TSHZ1: variants seen among roughly 807,000 people sequenced by gnomAD.
The protein encoded by TSHZ1 is teashirt homolog 1.
Under a neutral mutation model 67.1 loss-of-function variants are expected in TSHZ1, and 12 were observed. The ratio of observed to expected loss-of-function variants is 0.18; its 90% CI spans 0.11 to 0.29. TSHZ1 has a LOEUF of 0.29. Among genes scored for constraint, TSHZ1 ranks in the 10% least tolerant of loss-of-function variants. The pLI is 1.00. For synonymous variants in TSHZ1, 632 were observed against 622.4 expected (o/e 1.02, Z -0.23); for missense variants, 1,305 against 1,413.9 (o/e 0.92, Z 1.23).
intron 1 of TSHZ1, among the ~76,000 whole-genome samples, chr18:75,224,899 T>G (rs1047110841): frequency 1.3e-5 from 2 of 152,132 alleles, no homozygotes; most frequent in Non-Finnish European, 2.9e-5. Context: ...TCCTAACGCG[T>G]GCTATTCTAC....
chr18:75,227,048 C>T (rs893931449), intron 1 of TSHZ1, among the ~76,000 whole-genome samples: 4 of 152,242 alleles, frequency 2.6e-5, no homozygotes, highest in African/African-American at 9.6e-5. Context: ...CCCGGCTTTC[C>T]GTGCAGAAAG....
chr18:75,257,612 G>C (rs889457929), intron 1 of TSHZ1, among the ~76,000 whole-genome samples: 2 of 151,326 alleles, frequency 1.3e-5, no homozygotes, highest in Non-Finnish European at 2.9e-5. Flanking sequence ...CTTAGTGTTC[G>C]TAGACAGAAA....
intron 1 of TSHZ1, among the ~76,000 whole-genome samples, chr18:75,238,009 T>C (rs567141742): frequency 6.6e-6 from 1 of 152,018 alleles, no homozygotes; most frequent in African/African-American, 2.4e-5. Flanking sequence ...ACGGGGTTTC[T>C]CCATGTTGGT....
In TSHZ1 at chr18:75,281,571, C is replaced by A. The variant is rs555411496; in HGVS notation, c.41-3877C>A. Among the ~76,000 whole-genome samples the A allele has an allele frequency of 6.6e-6, 1 of 152,178 alleles. No homozygotes were observed. Among genetic ancestry groups the A allele is most frequent in the South Asian group, 2.1e-4 (1 of 4,816 alleles). On this transcript the variant is annotated intron_variant, in intron 1 of 1. Transcript: ENST00000580243. The surrounding 1 kb of genome is among the most constrained non-coding windows in gnomAD (Gnocchi z 5.3). ...GATGGGCCTGTGTCTGGCAGGTGTG[C>A]AGGGGTGCTCATGGCTGTGGTCGGC... is the stretch of plus-strand genomic sequence containing the variant.
chr18:75,288,078 A>T lies in TSHZ1; in HGVS notation c.2671A>T (p.Asn891Tyr). The change falls in exon 2 of 2, where the codon AAC becomes TAC. Residue 891 changes from asparagine to tyrosine, a missense_variant. Asn to Tyr is a moderately radical substitution (Grantham distance 143). Transcript: ENST00000580243. This position sits in a 1 kb window ranked among gnomAD's most constrained non-coding sequence, Gnocchi z 4.9. ...CCACAAGAGGAAGGGCCGGCAGTCCAACTGGAACCCGCAGCACCTTCTCAT... is the reference window on the plus strand; with the variant it reads ...CCACAAGAGGAAGGGCCGGCAGTCCTACTGGAACCCGCAGCACCTTCTCAT... ...PVHKRKGRQS[N>Y]WNPQHLLILQ... The T allele has an allele frequency of 6.2e-7, 1 of 1,613,664 alleles. No individual in the cohort carries two copies. The highest frequency in any genetic ancestry group is 8.5e-7 in the Non-Finnish European group (1 of 1,180,018).
intron 1 of TSHZ1, among the ~76,000 whole-genome samples, chr18:75,212,586 GATC>G (rs1222741823): frequency 6.6e-6 from 1 of 152,150 alleles, no homozygotes; most frequent in East Asian, 1.9e-4. Context: ...ATGTGTGATT[GATC>G]GCCTGTCATC....
At chr18:75,243,916 A>G (rs541596707) in intron 1 of TSHZ1, among the ~76,000 whole-genome samples, 3 of 152,264 alleles carry the variant, frequency 2.0e-5, no homozygotes, top group East Asian at 3.9e-4. Context: ...AACAGGGCTT[A>G]TGGAAAAAAT....
chr18:75,214,107 A>G (rs113930715), intron 1 of TSHZ1, among the ~76,000 whole-genome samples: 3,808 of 152,216 alleles, frequency 0.025, 60 homozygotes, highest in Non-Finnish European at 0.039. Context: ...AACCTGTGGG[A>G]TTCTTGTGTT....
chr18:75,285,382 G>C (rs915897962), intron 1 of TSHZ1, 66 bp from the exon 2 acceptor site: 4 of 1,413,418 alleles, frequency 2.8e-6, no homozygotes, highest in Non-Finnish European at 3.7e-6. Flanking sequence ...TCATCTAACT[G>C]CTGGGGAGGC....
Position 75,288,220 on chromosome 18 carries a change from C to G in TSHZ1, c.2813C>G (p.Thr938Ser). The G allele has an allele frequency of 6.2e-7, 1 of 1,614,218 alleles. No homozygotes were observed. Among genetic ancestry groups the G allele is most frequent in the Non-Finnish European group, 8.5e-7 (1 of 1,180,044 alleles). ...TCGAAGTTTACTGGGCTCTCCATGACCACCATCAGCCACTGGCTGGCCAAT... is the reference window on the plus strand; with the variant it reads ...TCGAAGTTTACTGGGCTCTCCATGAGCACCATCAGCCACTGGCTGGCCAAT... ...HISKFTGLSM[T>S]TISHWLANVK... Residue 938 changes from threonine to serine, a missense_variant, in exon 2 of 2, where the codon ACC becomes AGC. Around this residue, in one of 3 missense-constraint regions of TSHZ1, gnomAD observed 909 missense variants for 961.8 expected, o/e 0.95. Coordinates refer to ENST00000580243, the MANE Select transcript of TSHZ1 (RefSeq NM_001308210.2). The surrounding 1 kb of genome is among the most constrained non-coding windows in gnomAD (Gnocchi z 4.9).
Position 75,285,982 on chromosome 18 carries a change from G to T in TSHZ1, c.575G>T (p.Ser192Ile). 6.3e-7 allele frequency: 1 copy of T among 1,597,216 alleles called. No homozygotes were observed. Residue 192 changes from serine to isoleucine, a missense_variant, in exon 2 of 2, where the codon AGC (serine) becomes ATC (isoleucine). Transcript: ENST00000580243. ...STSHSSTTST[S>I]SSSGYDWHQA... ...AGCCACAGCAGTACCACCAGTACCA[G>T]CAGCAGCTCCGGGTACGACTGGCAC...
At chr18:75,212,714 C>G (rs922280613) in intron 1 of TSHZ1, among the ~76,000 whole-genome samples, 2 of 152,212 alleles carry the variant, frequency 1.3e-5, no homozygotes, top group Admixed American at 6.5e-5. Context: ...TCTCGCTCCC[C>G]CTTTTGCTGC....
In TSHZ1 at chr18:75,287,669, C is replaced by T; in HGVS notation, c.2262C>T (p.Asn754=). ...NPLSALQSIM[N]THLGKVSKPV... ...TGAGCGCTTTGCAGTCCATCATGAACACCCACCTGGGCAAGGTGTCCAAGC... is the reference window on the plus strand; with the variant it reads ...TGAGCGCTTTGCAGTCCATCATGAATACCCACCTGGGCAAGGTGTCCAAGC... The change falls in exon 2 of 2, where the codon AAC becomes AAT. Residue 754 remains asparagine, a synonymous_variant. Coordinates refer to ENST00000580243, the MANE Select transcript of TSHZ1 (RefSeq NM_001308210.2). The surrounding 1 kb of genome is among the most constrained non-coding windows in gnomAD (Gnocchi z 5.0). The T allele has an allele frequency of 1.2e-6, 2 of 1,614,202 alleles. No individual in the cohort carries two copies. Among genetic ancestry groups the T allele is most frequent in the African/African-American group, 1.3e-5 (1 of 75,056 alleles).
At chr18:75,234,506 A>T (rs1234639331) in intron 1 of TSHZ1, among the ~76,000 whole-genome samples, 1 of 152,202 alleles carries the variant, frequency 6.6e-6, no homozygotes, top group African/African-American at 2.4e-5. Context: ...CATAATAAAC[A>T]TAGTTCTGGA....
At chr18:75,264,484 ATTTTTTTTTT>A (rs60144564) in intron 1 of TSHZ1, among the ~76,000 whole-genome samples, 1 of 146,474 alleles carries the variant, frequency 6.8e-6, no homozygotes. Context: ...ACACTGACAG[ATTTTTTTTTT>A]TTTTTTTTTA....
In TSHZ1 at chr18:75,288,160, T is replaced by C. The variant is rs754333350; in HGVS notation, c.2753T>C (p.Met918Thr). Residue 918 changes from methionine to threonine, a missense_variant, in exon 2 of 2, where the codon ATG becomes ACG. Coordinates refer to ENST00000580243, the MANE Select transcript of TSHZ1 (RefSeq NM_001308210.2). This position sits in a 1 kb window ranked among gnomAD's most constrained non-coding sequence, Gnocchi z 4.9. ...GAGACCACAGAGGGCAAGTACATCATGTCGGACTTGGGCCCGCAGGAGAGG... is the reference window on the plus strand; with the variant it reads ...GAGACCACAGAGGGCAAGTACATCACGTCGGACTTGGGCCCGCAGGAGAGG... ...LRETTEGKYI[M>T]SDLGPQERVH... 10 of 1,614,016 alleles carry C rather than the reference T, an allele frequency of 6.2e-6. No individual in the cohort carries two copies. The South Asian group carries it at 6.6e-5, about 11-fold the overall frequency.
chr18:75,254,125 A>T (rs1377462999), intron 1 of TSHZ1, among the ~76,000 whole-genome samples: 1 of 152,180 alleles, frequency 6.6e-6, no homozygotes, highest in Non-Finnish European at 1.5e-5. Flanking sequence ...GTTTGGTTTT[A>T]AAAATGAAAA....
At chr18:75,228,933 C>T (rs2059502969) in intron 1 of TSHZ1, among the ~76,000 whole-genome samples, 1 of 152,280 alleles carries the variant, frequency 6.6e-6, no homozygotes, top group Admixed American at 6.5e-5. Context: ...CCTGGGGCTG[C>T]TGGTAGCTAT....
chr18:75,283,984 C>T (rs1177420597), intron 1 of TSHZ1: 1 of 152,352 alleles, frequency 6.6e-6, no homozygotes, highest in Non-Finnish European at 1.5e-5. Context: ...TGAGACACCC[C>T]TCTCAGGTCA....
Sources: allele counts gnomAD v4.1 joint callset (sites outside exome capture counted in the v4.1 genomes callset), GRCh38; gene constraint gnomAD v4.1.1; regional missense constraint gnomAD v4.1.1; non-coding constraint Gnocchi (gnomAD v3.1); transcripts MANE v1.5; gene names NCBI Gene and HGNC (gene_info 2026-07-23, HGNC 2026-07-21).